The following CNTN5 variants were observed in gnomAD, a reference collection of about 807,000 sequenced individuals.
CNTN5 encodes contactin-5.
CNTN5 carries 77 observed loss-of-function variants against 129.1 expected under a neutral mutation model. That is an observed-to-expected ratio of 0.60 (90% CI 0.50 to 0.72). CNTN5 has a LOEUF of 0.72. CNTN5 is among the 30% of genes least tolerant of loss of function. The pLI, the probability that CNTN5 is intolerant of heterozygous loss-of-function variation, is 0.00. For missense variants in CNTN5, 1,478 were observed against 1,328.8 expected (o/e 1.11, Z -1.75); for synonymous variants, 509 against 465.6 (o/e 1.09, Z -1.20).
intron 3 of CNTN5, among the ~76,000 whole-genome samples, chr11:99,818,819 T>G (rs112205919): frequency 1.3e-5 from 2 of 152,258 alleles, no homozygotes; most frequent in African/African-American, 4.8e-5. Flanking sequence ...TTATCAATAA[T>G]CAATAAAAAT....
At chr11:99,148,652 G>A (rs1026622739) in intron 1 of CNTN5, among the ~76,000 whole-genome samples, 1 of 152,140 alleles carries the variant, frequency 6.6e-6, no homozygotes, top group African/African-American at 2.4e-5. Flanking sequence ...ATACTCTTAA[G>A]TTAGCTTGCA....
rs116236365 is a variant in CNTN5, at chr11:99,350,070, T to C, written c.-71+24586T>C. On this transcript the variant is annotated intron_variant, in intron 2 of 24. Coordinates refer to ENST00000524871, the MANE Select transcript of CNTN5 (RefSeq NM_014361.4). The stretch of plus-strand genomic sequence containing the variant: ...GCCAACTAAAGTCCCTTTTAATGTT[T>C]ACTTTGTGTGTTTTGATGGTGAGCT... 2.4e-3 allele frequency among the ~76,000 whole-genome samples: 359 copies of C among 152,320 alleles called. 3 individuals are homozygous for C. Among genetic ancestry groups the C allele is most frequent in the African/African-American group, 8.2e-3 (341 of 41,582 alleles).
chr11:100,157,846 A>AAAT (rs976683476), intron 13 of CNTN5, among the ~76,000 whole-genome samples: 5 of 95,392 alleles, frequency 5.2e-5, no homozygotes, highest in African/African-American at 1.4e-4. Flanking sequence ...CTATATAGAT[A>AAAT]AATAAAAAAA....
chr11:99,852,584 T>C (rs191555216), intron 6 of CNTN5, among the ~76,000 whole-genome samples: 91 of 152,310 alleles, frequency 6.0e-4, no homozygotes, highest in Middle Eastern at 3.4e-3. Flanking sequence ...AATTTGCAAG[T>C]TTTTTTAATT....
rs1472607608 is a variant in CNTN5 at position 99,035,635 on chromosome 11, C to T, written c.-210+14365C>T. On this transcript the variant is annotated intron_variant, in intron 1 of 24. Coordinates refer to ENST00000524871, the MANE Select transcript of CNTN5 (RefSeq NM_014361.4). Reference sequence around the variant, plus strand: ...TTCCATTTGCTTGGTAGATCTTCCTCCATCCTTTTATTTTGAGCCTATGTG... The same window carrying T: ...TTCCATTTGCTTGGTAGATCTTCCTTCATCCTTTTATTTTGAGCCTATGTG... 3.3e-5 allele frequency among the ~76,000 whole-genome samples: 5 copies of T among 151,078 alleles called. No homozygotes were observed. In the East Asian group the frequency reaches 9.8e-4, roughly 30 times the overall value.
intron 19 of CNTN5, among the ~76,000 whole-genome samples, chr11:100,298,334 A>AT (rs553245612): frequency 6.6e-6 from 1 of 151,132 alleles, no homozygotes; most frequent in Non-Finnish European, 1.5e-5. Flanking sequence ...AACTTCATAT[A>AT]TTTTTTTGAT....
intron 3 of CNTN5, among the ~76,000 whole-genome samples, chr11:99,781,124 C>A (rs1030085338): frequency 6.6e-6 from 1 of 151,994 alleles, no homozygotes; most frequent in African/African-American, 2.4e-5. Flanking sequence ...TTAGTTTATA[C>A]CACATTTAAG....
chr11:100,286,481 C>T (rs1232261982), intron 18 of CNTN5, among the ~76,000 whole-genome samples: 1 of 150,760 alleles, frequency 6.6e-6, no homozygotes, highest in Non-Finnish European at 1.5e-5. Flanking sequence ...GGGAGGCACC[C>T]CCCAGCAGGG....
chr11:99,935,878 G>A (rs1950305750), intron 7 of CNTN5, among the ~76,000 whole-genome samples: 1 of 152,114 alleles, frequency 6.6e-6, no homozygotes, highest in African/African-American at 2.4e-5. Context: ...AGGAGGTTGT[G>A]TGTAGAGCAA....
intron 1 of CNTN5, among the ~76,000 whole-genome samples, chr11:99,271,547 A>G (rs1272681225): frequency 6.6e-6 from 1 of 151,816 alleles, no homozygotes; most frequent in South Asian, 2.1e-4. Context: ...AGCATCATAT[A>G]TTTACCATCT....
At chr11:99,033,618 T>C (rs1224421208) in intron 1 of CNTN5, among the ~76,000 whole-genome samples, 1 of 151,550 alleles carries the variant, frequency 6.6e-6, no homozygotes, top group Non-Finnish European at 1.5e-5. Context: ...ACATTGATTT[T>C]GTATCCTGAG....
chr11:99,981,079 T>C (rs11222161), intron 8 of CNTN5, among the ~76,000 whole-genome samples: 1 of 59,152 alleles, frequency 1.7e-5, no homozygotes, highest in Admixed American at 2.0e-4. Context: ...GCCAATAGGA[T>C]ATATATATAT....
intron 9 of CNTN5, among the ~76,000 whole-genome samples, chr11:100,016,281 C>T (rs1187931210): frequency 6.6e-6 from 1 of 152,070 alleles, no homozygotes; most frequent in Non-Finnish European, 1.5e-5. Flanking sequence ...TCAAAAACAT[C>T]TCCTATGCCC....
chr11:99,560,644 T>C (rs780903579), intron 3 of CNTN5, among the ~76,000 whole-genome samples: 38 of 152,234 alleles, frequency 2.5e-4, no homozygotes, highest in Non-Finnish European at 5.0e-4. Flanking sequence ...ATAAACAGAC[T>C]TAAATAACTT....
chr11:99,911,707 C>T (rs1400583386), intron 6 of CNTN5, among the ~76,000 whole-genome samples: 1 of 150,026 alleles, frequency 6.7e-6, no homozygotes, highest in Non-Finnish European at 1.5e-5. Flanking sequence ...ATATAGCTCA[C>T]ATTCTACCTA....
intron 13 of CNTN5, among the ~76,000 whole-genome samples, chr11:100,106,428 C>A (rs1945433570): frequency 1.3e-5 from 2 of 152,126 alleles, no homozygotes; most frequent in East Asian, 1.9e-4. Context: ...CCAAAGATTC[C>A]TTTCCCTTAG....
chr11:100,308,635 T>C, intron 21 of CNTN5, 167 bp downstream of exon 21: 4 of 1,324,388 alleles, frequency 3.0e-6, no homozygotes, highest in Non-Finnish European at 3.9e-6. Context: ...GTTATGTTGC[T>C]CATTAACTGG....
At chr11:99,515,691 C>G (rs921547277) in intron 2 of CNTN5, among the ~76,000 whole-genome samples, 4 of 151,912 alleles carry the variant, frequency 2.6e-5, no homozygotes, top group African/African-American at 9.7e-5. Flanking sequence ...GTGATTTGTA[C>G]ATCAAGATCA....
chr11:99,191,958 G>C (rs1591337174), intron 1 of CNTN5, among the ~76,000 whole-genome samples: 1 of 151,612 alleles, frequency 6.6e-6, no homozygotes, highest in East Asian at 1.9e-4. Context: ...ATAAAGATTA[G>C]AGCAGAAATA....
Sources: gnomAD v4.1 joint callset for allele counts (sites outside exome capture counted in the v4.1 genomes callset) on GRCh38, gnomAD v4.1.1 for gene constraint, MANE v1.5 for transcripts, NCBI Gene and HGNC (gene_info 2026-07-23, HGNC 2026-07-21) for gene names.